The following RIMBP2 variants were observed in gnomAD, a reference collection of about 807,000 sequenced individuals.
RIMBP2 encodes RIMS binding protein 2.
In RIMBP2, 48 loss-of-function variants were observed where a neutral mutation model predicts 118.6. The ratio of observed to expected loss-of-function variants is 0.40; its 90% CI spans 0.32 to 0.51. The LOEUF is 0.51. Among genes scored for constraint, RIMBP2 ranks in the 20% least tolerant of loss-of-function variants. The pLI, the probability that RIMBP2 is intolerant of heterozygous loss-of-function variation, is 0.41. For missense variants in RIMBP2, 1,551 were observed against 1,768.3 expected (o/e 0.88, Z 2.20); for synonymous variants, 762 against 742.9 (o/e 1.03, Z -0.42).
chr12:130,513,530 A>G (rs1009111689), intron 3 of RIMBP2, among the ~76,000 whole-genome samples: 1 of 152,066 alleles, frequency 6.6e-6, no homozygotes, highest in African/African-American at 2.4e-5. Flanking sequence ...GAGCTTTAAC[A>G]GGCACCTCCT....
chr12:130,408,908 G>A (rs1381982942), intron 19 of RIMBP2, among the ~76,000 whole-genome samples: 1 of 152,132 alleles, frequency 6.6e-6, no homozygotes, highest in Non-Finnish European at 1.5e-5. Context: ...ACATTCCAGC[G>A]ATTACTCTCC....
Position 130,523,702 on chromosome 12 carries a change from A to G in RIMBP2, c.-216-5785T>C, listed in dbSNP as rs1436407560. ...CCTCCACCACCACCACTGAGTGTGTATGTGTCAGTACCGGGCTCAGCAGGG... is the reference window on the plus strand; with the variant it reads ...CCTCCACCACCACCACTGAGTGTGTGTGTGTCAGTACCGGGCTCAGCAGGG... On this transcript the variant is annotated intron_variant, in intron 2 of 22. Coordinates refer to ENST00000690449, the MANE Select transcript of RIMBP2 (RefSeq NM_001393629.1). This position sits in a 1 kb window ranked among gnomAD's most constrained non-coding sequence, Gnocchi z 4.4. Among the ~76,000 whole-genome samples, 1 of 152,218 alleles carries G rather than the reference A, an allele frequency of 6.6e-6. No homozygotes were observed. Among genetic ancestry groups the G allele is most frequent in the Non-Finnish European group, 1.5e-5 (1 of 68,040 alleles).
At position 130,670,893 on chromosome 12, in the gene RIMBP2, C is replaced by G. The variant is rs1044401734; in HGVS notation, c.-351-42437G>C. On this transcript the variant is annotated intron_variant, in intron 1 of 22. Transcript: ENST00000690449. This position sits in a 1 kb window ranked among gnomAD's most constrained non-coding sequence, Gnocchi z 4.9. ...GGTTCAAGCAATTCTCCTACCTCAG[C>G]CTCCTGAGTGGCTGGGATTACAGGT... is the stretch of plus-strand genomic sequence containing the variant. Among the ~76,000 whole-genome samples the G allele has an allele frequency of 1.3e-5, 2 of 152,188 alleles. No homozygotes were observed. The highest frequency in any genetic ancestry group is 2.4e-5 in the African/African-American group (1 of 41,440).
intron 1 of RIMBP2, among the ~76,000 whole-genome samples, chr12:130,641,819 C>A (rs1293277741): frequency 1.3e-5 from 2 of 152,048 alleles, no homozygotes; most frequent in Non-Finnish European, 2.9e-5. Context: ...GCAAGGGGTG[C>A]CGAGCGTGGC....
At chr12:130,404,287 A>G (rs993675830) in intron 21 of RIMBP2, among the ~76,000 whole-genome samples, 6 of 152,158 alleles carry the variant, frequency 3.9e-5, no homozygotes, top group African/African-American at 1.4e-4. Context: ...AATCATAATA[A>G]GATCTATATA....
chr12:130,510,818 C>T (rs191405129), intron 3 of RIMBP2, among the ~76,000 whole-genome samples: 1 of 152,104 alleles, frequency 6.6e-6, no homozygotes. Flanking sequence ...TATGGTTTTG[C>T]ATTTCTTTGA....
intron 2 of RIMBP2, among the ~76,000 whole-genome samples, chr12:130,553,680 G>A (rs750484787): frequency 3.9e-5 from 6 of 152,136 alleles, no homozygotes; most frequent in African/African-American, 9.7e-5. Flanking sequence ...GAAGTTCAAG[G>A]CTACAGTGAG....
intron 1 of RIMBP2, among the ~76,000 whole-genome samples, chr12:130,652,041 C>G (rs2063251495): frequency 6.6e-6 from 1 of 152,170 alleles, no homozygotes; most frequent in Non-Finnish European, 1.5e-5. Context: ...TCAGCTTTAT[C>G]TTGTTAGTCT....
chr12:130,695,979 G>C (rs75821674), intron 1 of RIMBP2, among the ~76,000 whole-genome samples: 1,561 of 152,086 alleles, frequency 0.01, 31 homozygotes, highest in African/African-American at 0.036. Context: ...TACATTTATG[G>C]GAGTAAGAAA....
intron 2 of RIMBP2, among the ~76,000 whole-genome samples, chr12:130,535,801 C>G (rs1180911376): frequency 1.4e-5 from 2 of 140,730 alleles, no homozygotes; most frequent in African/African-American, 5.4e-5. Flanking sequence ...TTTTTTGAGC[C>G]AGGGTCTTGC....
rs2076339076 is a variant in RIMBP2, at chr12:130,420,338, C to A, written c.3238+2115G>T. Among the ~76,000 whole-genome samples the A allele has an allele frequency of 6.7e-6, 1 of 149,970 alleles. No homozygotes were observed. Among genetic ancestry groups the A allele is most frequent in the Admixed American group, 6.9e-5 (1 of 14,396 alleles). On this transcript the variant is annotated intron_variant, in intron 17 of 22. Coordinates refer to ENST00000690449, the MANE Select transcript of RIMBP2 (RefSeq NM_001393629.1). This position sits in a 1 kb window ranked among gnomAD's most constrained non-coding sequence, Gnocchi z 4.3. ...TGATAAGAAGTCAGCACAATTAAAG[C>A]AAACCTATCATAGGTTTGTCAGTTA...
intron 2 of RIMBP2, among the ~76,000 whole-genome samples, chr12:130,607,906 T>G (rs2060283592): frequency 6.6e-6 from 1 of 151,960 alleles, no homozygotes; most frequent in South Asian, 2.1e-4. Flanking sequence ...CCCAGCAGGA[T>G]GTGGGAATGT....
rs1341636197 is a variant in RIMBP2 at position 130,431,145 on chromosome 12, T to A, written c.2254-2808A>T. ...ATTTTTTCAGAGCAAATGTCCCAGC[T>A]ACTCTCAGCCTCCCTTCTTTCATTC... is the stretch of plus-strand genomic sequence containing the variant. On this transcript the variant is annotated intron_variant, in intron 14 of 22. Coordinates refer to ENST00000690449, the MANE Select transcript of RIMBP2 (RefSeq NM_001393629.1). This position sits in a 1 kb window ranked among gnomAD's most constrained non-coding sequence, Gnocchi z 4.0. 6.6e-6 allele frequency among the ~76,000 whole-genome samples: 1 copy of A among 152,258 alleles called. No homozygotes were observed. The highest frequency in any genetic ancestry group is 1.5e-5 in the Non-Finnish European group (1 of 68,044).
chr12:130,460,877 C>A (rs1440408314), intron 6 of RIMBP2, among the ~76,000 whole-genome samples: 1 of 152,168 alleles, frequency 6.6e-6, no homozygotes, highest in African/African-American at 2.4e-5. Flanking sequence ...CCCCGTCCCA[C>A]AGTCCCCTCA....
Position 130,469,381 on chromosome 12 carries a change from A to G in RIMBP2, c.153+1312T>C, listed in dbSNP as rs947266772. Among the ~76,000 whole-genome samples, 5 of 152,174 alleles carry G rather than the reference A, an allele frequency of 3.3e-5. No homozygotes were observed. Among genetic ancestry groups the G allele is most frequent in the African/African-American group, 4.8e-5 (2 of 41,446 alleles). ...TCCCTCAGAGGCGGATTGAAGCCACACAGGGTCATGTCAATGGGCTCCGGG... is the reference window on the plus strand; with the variant it reads ...TCCCTCAGAGGCGGATTGAAGCCACGCAGGGTCATGTCAATGGGCTCCGGG... On this transcript the variant is annotated intron_variant, in intron 6 of 22. Coordinates refer to ENST00000690449, the MANE Select transcript of RIMBP2 (RefSeq NM_001393629.1). The surrounding 1 kb of genome is among the most constrained non-coding windows in gnomAD (Gnocchi z 4.8).
chr12:130,439,269 T>C (rs1184838297), intron 11 of RIMBP2, among the ~76,000 whole-genome samples: 1 of 151,994 alleles, frequency 6.6e-6, no homozygotes, highest in Non-Finnish European at 1.5e-5. Context: ...TGTGTATGTG[T>C]GTATGTACAT....
intron 1 of RIMBP2, among the ~76,000 whole-genome samples, chr12:130,705,068 G>A (rs1333703260): frequency 6.6e-6 from 1 of 152,316 alleles, no homozygotes; most frequent in South Asian, 2.1e-4. Context: ...CCAAAGCTGC[G>A]TGAGGATCCC....
At chr12:130,666,982 G>A (rs2136405905) in intron 1 of RIMBP2, among the ~76,000 whole-genome samples, 1 of 130,110 alleles carries the variant, frequency 7.7e-6, no homozygotes, top group Middle Eastern at 5.7e-3. Context: ...AAGAAGGGAG[G>A]GACAGAGGGA....
In RIMBP2 at chr12:130,606,387, G is replaced by T. The variant is rs1248637482; in HGVS notation, c.-217+21935C>A. The stretch of plus-strand genomic sequence containing the variant: ...CCATAAAAAAGGAAGCATGGGGTTT[G>T]CAGAGAGGCACAAGCGTGACGCGTG... On this transcript the variant is annotated intron_variant, in intron 2 of 22. Coordinates refer to ENST00000690449, the MANE Select transcript of RIMBP2 (RefSeq NM_001393629.1). Among the ~76,000 whole-genome samples, 4 of 152,232 alleles carry T rather than the reference G, an allele frequency of 2.6e-5. No individual in the cohort carries two copies. In the East Asian group the frequency reaches 7.7e-4, roughly 29 times the overall value.
Sources: allele counts gnomAD v4.1 joint callset (sites outside exome capture counted in the v4.1 genomes callset), GRCh38; gene constraint gnomAD v4.1.1; non-coding constraint Gnocchi (gnomAD v3.1); transcripts MANE v1.5; gene names NCBI Gene and HGNC (gene_info 2026-07-23, HGNC 2026-07-21).